PCDHAC1: variants seen among roughly 807,000 people sequenced by gnomAD.
PCDHAC1 encodes protocadherin alpha-C1.
A neutral mutation model predicts 60.0 loss-of-function variants in PCDHAC1; 42 were observed. The ratio of observed to expected loss-of-function variants is 0.70; its 90% CI spans 0.55 to 0.90. PCDHAC1 has a LOEUF of 0.90. Among genes scored for constraint, PCDHAC1 ranks in the 40% least tolerant of loss-of-function variants. The pLI, the probability that PCDHAC1 is intolerant of heterozygous loss-of-function variation, is 0.00. For synonymous variants in PCDHAC1, 468 were observed against 499.3 expected (o/e 0.94, Z 0.84); for missense variants, 1,160 against 1,222.3 (o/e 0.95, Z 0.76).
intron 1 of PCDHAC1, among the ~76,000 whole-genome samples, chr5:140,937,574 G>C (rs1320452651): frequency 1.3e-5 from 2 of 151,732 alleles, no homozygotes; most frequent in African/African-American, 4.9e-5. Context: ...CTGGGATCGC[G>C]TCACTGCACT....
intron 1 of PCDHAC1, among the ~76,000 whole-genome samples, chr5:140,946,755 A>G (rs1554217843): frequency 3.3e-5 from 5 of 151,400 alleles, no homozygotes. Context: ...ATACTGCATG[A>G]TCTCATTCAT....
rs1444177179 is a variant in PCDHAC1 at position 140,984,821 on chromosome 5, T to C, written c.2581+2258T>C. On this transcript the variant is annotated intron_variant, in intron 3 of 3. Transcript: ENST00000253807. ...CTGCCTGAATTCATATTTTCTTAAT[T>C]ACCCTTTCTGTAAATTGGGTGTAGT... Among the ~76,000 whole-genome samples, 4 of 152,192 alleles carry C rather than the reference T, an allele frequency of 2.6e-5. No individual in the cohort carries two copies. In the East Asian group the frequency reaches 7.7e-4, roughly 29 times the overall value.
At chr5:140,959,428 A>AT (rs2095488424) in intron 1 of PCDHAC1, among the ~76,000 whole-genome samples, 1 of 152,102 alleles carries the variant, frequency 6.6e-6, no homozygotes, top group Non-Finnish European at 1.5e-5. Context: ...GAATTTGTGT[A>AT]TTTTTTTCTA....
In PCDHAC1 at chr5:140,985,229, G is replaced by T. The variant is rs903728570; in HGVS notation, c.2581+2666G>T. ...TGGGATTACAGGCGTGAGCCACCGC[G>T]CCTGGCCTAATCTTCTTACTCTTTT... On this transcript the variant is annotated intron_variant, in intron 3 of 3. Transcript: ENST00000253807. 3.9e-5 allele frequency among the ~76,000 whole-genome samples: 6 copies of T among 152,216 alleles called. No homozygotes were observed. The South Asian group carries it at 6.2e-4, about 16-fold the overall frequency.
intron 3 of PCDHAC1, among the ~76,000 whole-genome samples, chr5:140,983,853 A>T (rs1447321377): frequency 6.6e-6 from 1 of 152,230 alleles, no homozygotes; most frequent in African/African-American, 2.4e-5. Context: ...ATTAAGTAAC[A>T]TGCAGCTAAG....
chr5:140,949,924 AT>A (rs144693243), intron 1 of PCDHAC1, among the ~76,000 whole-genome samples: 8,382 of 151,404 alleles, frequency 0.055, 277 homozygotes, highest in Non-Finnish European at 0.077. Context: ...CTATTTTTAG[AT>A]TTTTTTTAAT....
At position 140,929,217 on chromosome 5, in the gene PCDHAC1, C is replaced by T. The variant is rs1183459158; in HGVS notation, c.2325C>T (p.Tyr775=). 1 of 1,614,016 alleles carries T rather than the reference C, an allele frequency of 6.2e-7. No individual in the cohort carries two copies. The highest frequency in any genetic ancestry group is 8.5e-7 in the Non-Finnish European group (1 of 1,179,940). ...DNNSLLLRGE[Y]NAADLRNLAT... The stretch of plus-strand genomic sequence containing the variant: ...ACAGTTTGCTGTTGCGTGGGGAGTA[C>T]AATGCTGCCGACCTGCGAAATCTTG... The change falls in exon 1 of 4, where the codon TAC becomes TAT. Residue 775 remains tyrosine, a synonymous_variant. Coordinates refer to ENST00000253807, the MANE Select transcript of PCDHAC1 (RefSeq NM_018898.5).
At chr5:140,963,523 A>T (rs2095769740) in intron 1 of PCDHAC1, among the ~76,000 whole-genome samples, 1 of 152,218 alleles carries the variant, frequency 6.6e-6, no homozygotes. Flanking sequence ...CTCATAACAG[A>T]AGTCCCATTT....
At chr5:140,968,508 A>T in intron 1 of PCDHAC1, 1 of 1,614,068 alleles carries the variant, frequency 6.2e-7, no homozygotes. Flanking sequence ...CACATTCTGT[A>T]CCCTACCTCA....
At chr5:140,957,893 C>T (rs1554223179) in intron 1 of PCDHAC1, among the ~76,000 whole-genome samples, 1 of 151,938 alleles carries the variant, frequency 6.6e-6, no homozygotes, top group Non-Finnish European at 1.5e-5. Flanking sequence ...AAGTTGGCAT[C>T]AACCAAGGCA....
At position 140,928,087 on chromosome 5, in the gene PCDHAC1, A is replaced by T. The variant is rs1554205462; in HGVS notation, c.1195A>T (p.Ile399Phe). The change falls in exon 1 of 4, where the codon ATT becomes TTT. Residue 399 changes from isoleucine to phenylalanine, a missense_variant. Coordinates refer to ENST00000253807, the MANE Select transcript of PCDHAC1 (RefSeq NM_018898.5). ...ASFDNYYSLL[I>F]DGPLDREQIS... The stretch of plus-strand genomic sequence containing the variant: ...CTTTGACAACTACTACAGCCTGCTG[A>T]TTGATGGGCCCCTGGACCGGGAGCA... 3.1e-6 allele frequency: 5 copies of T among 1,614,022 alleles called. No individual in the cohort carries two copies. In the African/African-American group the frequency reaches 5.3e-5, roughly 17 times the overall value.
intron 1 of PCDHAC1, among the ~76,000 whole-genome samples, chr5:140,963,640 CT>C (rs1426012343): frequency 6.6e-6 from 1 of 152,164 alleles, no homozygotes; most frequent in African/African-American, 2.4e-5. Flanking sequence ...CGCATCTTCC[CT>C]ATCATGGTTG....
intron 3 of PCDHAC1, among the ~76,000 whole-genome samples, chr5:141,006,960 G>A (rs1183082923): frequency 6.6e-6 from 1 of 152,184 alleles, no homozygotes; most frequent in Non-Finnish European, 1.5e-5. Flanking sequence ...TTATACATGA[G>A]ATTGGAGCAC....
chr5:141,007,395 C>CAAAAAAAAAAAAAAAAAAAAAAAAAAA (rs35800918), intron 3 of PCDHAC1, among the ~76,000 whole-genome samples: 1 of 94,866 alleles, frequency 1.1e-5, no homozygotes, highest in Non-Finnish European at 2.1e-5. Context: ...TACTAAAATA[C>CAAAAAAAAAAAAAAAAAAAAAAAAAAA]AAAAAAAAAA....
chr5:140,928,060 T>C lies in PCDHAC1; in HGVS notation c.1168T>C (p.Ser390Pro). 1 of 1,614,204 alleles carries C rather than the reference T, an allele frequency of 6.2e-7. No individual in the cohort carries two copies. Among genetic ancestry groups the C allele is most frequent in the Non-Finnish European group, 8.5e-7 (1 of 1,180,040 alleles). ...TGCAGGCCCTTTTCAGCTGACGGCT[T>C]CCTTTGACAACTACTACAGCCTGCT... ...SSAGPFQLTA[S>P]FDNYYSLLID... is the part of the protein sequence containing the mutation. The change falls in exon 1 of 4, where the codon TCC (serine) becomes CCC (proline). Residue 390 changes from serine (S) to proline (P), a missense_variant. By Grantham distance (74) the Ser-to-Pro change is moderately conservative. This residue lies in a region of PCDHAC1 where 1,113 missense variants were observed against 1,163.7 expected (regional missense o/e 0.96). Coordinates refer to ENST00000253807, the MANE Select transcript of PCDHAC1 (RefSeq NM_018898.5).
rs139314570 is a variant in PCDHAC1, at chr5:140,952,780, A to G, written c.2433+23455A>G. 2.0e-3 allele frequency among the ~76,000 whole-genome samples: 310 copies of G among 152,316 alleles called. 3 individuals are homozygous for G. The highest frequency in any genetic ancestry group is 7.3e-3 in the African/African-American group (302 of 41,572). On this transcript the variant is annotated intron_variant, in intron 1 of 3. Transcript: ENST00000253807. ...CTGAGACTGGATAATTTAGAAAGAA[A>G]AGAGGTTTAACTGGCTCGCAGTTCT... is the stretch of plus-strand genomic sequence containing the variant.
chr5:140,941,214 C>CCTTCCTTTCTTTCTTT (rs1554214040), intron 1 of PCDHAC1, among the ~76,000 whole-genome samples: 12 of 122,414 alleles, frequency 9.8e-5, no homozygotes, highest in Admixed American at 6.8e-4. Flanking sequence ...TTTCTTTCTT[C>CCTTCCTTTCTTTCTTT]CTTTCTTTCT....
At chr5:140,981,812 A>C (rs1563492177) in intron 2 of PCDHAC1, among the ~76,000 whole-genome samples, 1 of 152,052 alleles carries the variant, frequency 6.6e-6, no homozygotes, top group African/African-American at 2.4e-5. Context: ...TTTATGTTCT[A>C]TCTCTGCTTG....
Position 141,010,119 on chromosome 5 carries a change from A to G in PCDHAC1, c.*182A>G. 6.2e-7 allele frequency: 1 copy of G among 1,608,062 alleles called. No homozygotes were observed. On this transcript the variant is annotated 3_prime_UTR_variant, in exon 4 of 4. Transcript: ENST00000253807. ...TAACAGGTTTTGTCGTAAAAGCTTT[A>G]CTAAGTCTGGTGTTAACTCTTTCTC...
Sources: allele counts gnomAD v4.1 joint callset (sites outside exome capture counted in the v4.1 genomes callset), GRCh38; gene constraint gnomAD v4.1.1; regional missense constraint gnomAD v4.1.1; transcripts MANE v1.5; gene names NCBI Gene and HGNC (gene_info 2026-07-23, HGNC 2026-07-21).